The following MACROD1 variants were observed in gnomAD, a reference collection of about 807,000 sequenced individuals.
MACROD1 encodes mono-ADP ribosylhydrolase 1.
A neutral mutation model predicts 41.4 loss-of-function variants in MACROD1; 31 were observed. The observed-to-expected ratio is 0.75, with a 90% CI of 0.56 to 1.01. MACROD1 has a LOEUF of 1.01. Ranked by LOEUF, MACROD1 falls within the 50% of genes least tolerant of loss-of-function variation. The probability of loss-of-function intolerance (pLI) is 0.00; values close to 1 mark genes in which losing one functional copy is unlikely to be tolerated. For synonymous variants in MACROD1, 252 were observed against 203.4 expected (o/e 1.24, Z -2.03); for missense variants, 473 against 460.0 (o/e 1.03, Z -0.26).
intron 5 of MACROD1, 110 bp from the exon 6 acceptor site, chr11:63,999,873 G>A (rs554060684): frequency 7.1e-6 from 9 of 1,267,814 alleles, no homozygotes; most frequent in Admixed American, 5.1e-5. Flanking sequence ...TTCCCCCCAA[G>A]CGCTGAGCCT....
intron 3 of MACROD1, among the ~76,000 whole-genome samples, chr11:64,074,310 G>A (rs1371011081): frequency 1.3e-5 from 2 of 152,196 alleles, no homozygotes; most frequent in Non-Finnish European, 2.9e-5. Context: ...TAGCTGCCGA[G>A]CTCCTATGCA....
chr11:64,138,931 C>A (rs1945370832), intron 3 of MACROD1, among the ~76,000 whole-genome samples: 1 of 152,176 alleles, frequency 6.6e-6, no homozygotes, highest in South Asian at 2.1e-4. Flanking sequence ...TCATGCCCAG[C>A]TAATTTTTGT....
intron 4 of MACROD1, among the ~76,000 whole-genome samples, chr11:64,014,845 G>T (rs1041903345): frequency 2.0e-5 from 3 of 152,220 alleles, no homozygotes; most frequent in Non-Finnish European, 4.4e-5. Flanking sequence ...CCCTGACTTT[G>T]TGAGACCTGT....
At chr11:64,099,879 C>A (rs978311942) in intron 3 of MACROD1, among the ~76,000 whole-genome samples, 1 of 141,320 alleles carries the variant, frequency 7.1e-6, no homozygotes. Context: ...ATGGAGGGAT[C>A]GAGAAATGGA....
At chr11:64,145,340 G>A (rs923993876) in intron 3 of MACROD1, among the ~76,000 whole-genome samples, 12 of 152,186 alleles carry the variant, frequency 7.9e-5, no homozygotes, top group African/African-American at 2.2e-4. Context: ...TCCCTGCGGC[G>A]TTGCGTGGCA....
chr11:64,025,983 T>G (rs1271341308), intron 3 of MACROD1, among the ~76,000 whole-genome samples: 1 of 151,920 alleles, frequency 6.6e-6, no homozygotes, highest in Non-Finnish European at 1.5e-5. Flanking sequence ...GAGTTCGAGA[T>G]CAGCCTGGCC....
intron 3 of MACROD1, among the ~76,000 whole-genome samples, chr11:64,102,779 C>A (rs1297331395): frequency 6.6e-6 from 1 of 152,222 alleles, no homozygotes; most frequent in East Asian, 1.9e-4. Context: ...AGAAAAAAAA[C>A]AGGATCCAGG....
chr11:64,143,082 C>A (rs1297598366), intron 3 of MACROD1, among the ~76,000 whole-genome samples: 1 of 132,696 alleles, frequency 7.5e-6, no homozygotes, highest in African/African-American at 2.8e-5. Flanking sequence ...CCACTGTACT[C>A]CAGCCTGGGG....
rs1590879752 is a variant in MACROD1, at chr11:64,081,093, C to G, written c.518-65812G>C. On this transcript the variant is annotated intron_variant, in intron 3 of 10. Coordinates refer to ENST00000255681, the MANE Select transcript of MACROD1 (RefSeq NM_014067.4). ...CTGGAGTGCAGTGGCATGATCTCAG[C>G]TCACTGCAACCTCCACCTCCCAGGT... Among the ~76,000 whole-genome samples the G allele has an allele frequency of 2.0e-5, 3 of 152,326 alleles. No homozygotes were observed. In the South Asian group the frequency reaches 6.2e-4, roughly 32 times the overall value.
chr11:64,017,597 T>G (rs1943098306), intron 3 of MACROD1, among the ~76,000 whole-genome samples: 1 of 152,118 alleles, frequency 6.6e-6, no homozygotes, highest in African/African-American at 2.4e-5. Flanking sequence ...AAGCCCCAGA[T>G]GCAGCCTCCA....
intron 3 of MACROD1, among the ~76,000 whole-genome samples, chr11:64,037,029 C>T (rs1943395311): frequency 6.6e-6 from 1 of 150,890 alleles, no homozygotes; most frequent in South Asian, 2.1e-4. Context: ...GGGAGGTCTT[C>T]GAGGCCCTCC....
intron 10 of MACROD1, 72 bp from the exon 11 acceptor site, chr11:63,998,759 C>T (rs146581920): frequency 2.8e-6 from 4 of 1,426,512 alleles, no homozygotes; most frequent in South Asian, 1.5e-5. Flanking sequence ...GGTTTCCCGC[C>T]CTGCTTGGGG....
At chr11:64,025,716 C>A (rs1290992955) in intron 3 of MACROD1, among the ~76,000 whole-genome samples, 3 of 139,128 alleles carry the variant, frequency 2.2e-5, no homozygotes, top group African/African-American at 5.3e-5. Context: ...GGGCCCCCCC[C>A]GCTCCTTTTT....
chr11:63,998,586 T>G lies in MACROD1; in HGVS notation c.*132A>C. Reference sequence around the variant, plus strand: ...CACAACGAGATCTTTATTAGGCTCCTCGGGGGCGGGGCGCGGAGGGAAAGA... The same window carrying G: ...CACAACGAGATCTTTATTAGGCTCCGCGGGGGCGGGGCGCGGAGGGAAAGA... On this transcript the variant is annotated 3_prime_UTR_variant, in exon 11 of 11. Coordinates refer to ENST00000255681, the MANE Select transcript of MACROD1 (RefSeq NM_014067.4). 1.6e-6 allele frequency: 2 copies of G among 1,260,058 alleles called. No individual in the cohort carries two copies. The highest frequency in any genetic ancestry group is 2.0e-6 in the Non-Finnish European group (2 of 999,182). 78.1% of individuals were successfully genotyped at this position (1,260,058 alleles called of 1,614,324 possible).
chr11:64,027,585 G>A (rs1198833207), intron 3 of MACROD1, among the ~76,000 whole-genome samples: 1 of 152,122 alleles, frequency 6.6e-6, no homozygotes, highest in African/African-American at 2.4e-5. Flanking sequence ...CCTGCCCATG[G>A]GGGCTTCCAC....
intron 3 of MACROD1, among the ~76,000 whole-genome samples, chr11:64,108,174 G>A (rs796196979): frequency 1.3e-5 from 2 of 152,074 alleles, no homozygotes; most frequent in East Asian, 1.9e-4. Flanking sequence ...TTAGTGGGGC[G>A]TGGTGGTGCA....
intron 3 of MACROD1, among the ~76,000 whole-genome samples, chr11:64,110,892 C>T (rs1179017464): frequency 6.6e-6 from 1 of 152,200 alleles, no homozygotes; most frequent in Admixed American, 6.5e-5. Flanking sequence ...CTATCTTCCT[C>T]CCCACCCCCA....
chr11:64,046,220 C>T lies in MACROD1; in HGVS notation c.518-30939G>A, dbSNP rs116344980. On this transcript the variant is annotated intron_variant, in intron 3 of 10. Transcript: ENST00000255681. Reference sequence around the variant, plus strand: ...CAGAGCAGCCGACTCCCACTGGGTCCCCAGTCCCTCTCATCCAAAGTGAGG... The same window carrying T: ...CAGAGCAGCCGACTCCCACTGGGTCTCCAGTCCCTCTCATCCAAAGTGAGG... Among the ~76,000 whole-genome samples, 1,339 of 152,258 alleles carry T rather than the reference C, an allele frequency of 8.8e-3. 23 individuals are homozygous for T. Among genetic ancestry groups the T allele is most frequent in the African/African-American group, 0.031 (1,272 of 41,558 alleles).
chr11:64,082,801 CCT>C lies in MACROD1; in HGVS notation c.518-67522_518-67521del, dbSNP rs1037806297. Among the ~76,000 whole-genome samples the C allele has an allele frequency of 7.2e-5, 11 of 152,184 alleles. No homozygotes were observed. The highest frequency in any genetic ancestry group is 2.1e-4 in the South Asian group (1 of 4,834). ...CTGAAAGTCACCTGCTCCCATTTCCCCTGTTTCCCTCAGCTCAGACATCACCA... is the reference window on the plus strand; with the variant it reads ...CTGAAAGTCACCTGCTCCCATTTCCCGTTTCCCTCAGCTCAGACATCACCA... On this transcript the variant is annotated intron_variant, in intron 3 of 10. Coordinates refer to ENST00000255681, the MANE Select transcript of MACROD1 (RefSeq NM_014067.4). This position sits in a 1 kb window ranked among gnomAD's most constrained non-coding sequence, Gnocchi z 4.5.
Sources: gnomAD v4.1 joint callset for allele counts (sites outside exome capture counted in the v4.1 genomes callset) on GRCh38, gnomAD v4.1.1 for gene constraint, Gnocchi (gnomAD v3.1) non-coding constraint, MANE v1.5 for transcripts, NCBI Gene and HGNC (gene_info 2026-07-23, HGNC 2026-07-21) for gene names.